The following GSK3B variants were observed in gnomAD, a reference collection of about 807,000 sequenced individuals.
The protein encoded by GSK3B is glycogen synthase kinase 3 beta.
Under a neutral mutation model 56.4 loss-of-function variants are expected in GSK3B, and 15 were observed. The observed-to-expected ratio is 0.27, with a 90% CI of 0.18 to 0.41. GSK3B has a LOEUF of 0.41. Ranked by LOEUF, GSK3B falls within the 10% of genes least tolerant of loss-of-function variation. The pLI, the probability that GSK3B is intolerant of heterozygous loss-of-function variation, is 1.00. For synonymous variants in GSK3B, 181 were observed against 188.9 expected (o/e 0.96, Z 0.34); for missense variants, 300 against 513.4 (o/e 0.58, Z 4.02).
At chr3:120,068,024 T>C (rs1001264474) in intron 1 of GSK3B, among the ~76,000 whole-genome samples, 1 of 152,262 alleles carries the variant, frequency 6.6e-6, no homozygotes, top group Non-Finnish European at 1.5e-5. Context: ...TGTATTTCTT[T>C]GTCTTATGCA....
At chr3:119,985,709 T>C (rs1223946901) in intron 2 of GSK3B, among the ~76,000 whole-genome samples, 1 of 152,168 alleles carries the variant, frequency 6.6e-6, no homozygotes, top group East Asian at 1.9e-4. Flanking sequence ...GGAAGAATAT[T>C]CCATGCTCAT....
chr3:119,919,865 C>G (rs569553078), intron 4 of GSK3B, among the ~76,000 whole-genome samples: 105 of 151,790 alleles, frequency 6.9e-4, no homozygotes, highest in African/African-American at 2.3e-3. Flanking sequence ...CACACACACA[C>G]ACGAAAATAT....
intron 1 of GSK3B, among the ~76,000 whole-genome samples, chr3:120,087,921 C>G (rs1001085921): frequency 6.6e-6 from 1 of 151,810 alleles, no homozygotes; most frequent in African/African-American, 2.4e-5. Context: ...GAGACAGAGT[C>G]TCTCTCTGTC....
chr3:120,044,053 C>T (rs545084102), intron 1 of GSK3B, among the ~76,000 whole-genome samples: 2 of 152,338 alleles, frequency 1.3e-5, no homozygotes, highest in Non-Finnish European at 2.9e-5. Flanking sequence ...CGGCCAGAGG[C>T]CCAGATTGTC....
At chr3:120,030,697 A>G (rs1344310437) in intron 1 of GSK3B, among the ~76,000 whole-genome samples, 1 of 152,096 alleles carries the variant, frequency 6.6e-6, no homozygotes, top group African/African-American at 2.4e-5. Flanking sequence ...CTTAAACCTC[A>G]CTTCTTCAGA....
chr3:119,846,470 T>G (rs1055703313), intron 9 of GSK3B, among the ~76,000 whole-genome samples: 1 of 152,116 alleles, frequency 6.6e-6, no homozygotes, highest in African/African-American at 2.4e-5. Flanking sequence ...CATCAAAAAG[T>G]GGGCGAAAGA....
intron 2 of GSK3B, among the ~76,000 whole-genome samples, chr3:119,972,250 A>G (rs2057374267): frequency 6.6e-6 from 1 of 152,220 alleles, no homozygotes; most frequent in Non-Finnish European, 1.5e-5. Context: ...AATAAGGTAT[A>G]AGATAGGCAT....
intron 7 of GSK3B, among the ~76,000 whole-genome samples, chr3:119,883,708 AG>A (rs747408781): frequency 6.6e-6 from 1 of 152,182 alleles, no homozygotes; most frequent in Non-Finnish European, 1.5e-5. Context: ...ACCCAGAAGG[AG>A]TACCTTTTCA....
At chr3:119,833,664 A>G (rs1328102438) in intron 10 of GSK3B, among the ~76,000 whole-genome samples, 2 of 139,824 alleles carry the variant, frequency 1.4e-5, no homozygotes, top group Admixed American at 7.1e-5. Context: ...CATGCACTTT[A>G]TAAGTACACT....
intron 9 of GSK3B, among the ~76,000 whole-genome samples, chr3:119,860,786 A>G (rs1241234713): frequency 6.6e-6 from 1 of 152,224 alleles, no homozygotes; most frequent in African/African-American, 2.4e-5. Context: ...GAATTAATGA[A>G]TATTATGTTT....
chr3:119,951,438 G>A (rs1192519764), intron 2 of GSK3B, among the ~76,000 whole-genome samples: 1 of 152,142 alleles, frequency 6.6e-6, no homozygotes, highest in Non-Finnish European at 1.5e-5. Context: ...GGGCTTGGTG[G>A]CGCATGCCTG....
chr3:119,941,009 T>C (rs1321766654), intron 3 of GSK3B, among the ~76,000 whole-genome samples: 1 of 148,172 alleles, frequency 6.7e-6, no homozygotes, highest in African/African-American at 2.6e-5. Context: ...CAACTATTAC[T>C]ACTAATTTTT....
intron 2 of GSK3B, among the ~76,000 whole-genome samples, chr3:119,981,114 G>C (rs2057456715): frequency 6.6e-6 from 1 of 152,154 alleles, no homozygotes; most frequent in Non-Finnish European, 1.5e-5. Flanking sequence ...TTAAATGCTA[G>C]AACATTTAAC....
intron 1 of GSK3B, among the ~76,000 whole-genome samples, chr3:120,071,246 C>T (rs865785306): frequency 3.3e-4 from 50 of 152,186 alleles, no homozygotes; most frequent in African/African-American, 1.1e-3. Context: ...TGTGATCACT[C>T]TTTTAGCTCC....
rs186820383 is a variant in GSK3B at position 119,887,463 on chromosome 3, A to G, written c.814-10955T>C. Among the ~76,000 whole-genome samples, 954 of 152,272 alleles carry G rather than the reference A, an allele frequency of 6.3e-3. 6 individuals are homozygous for G. The highest frequency in any genetic ancestry group is 0.011 in the Non-Finnish European group (720 of 68,014). Reference sequence around the variant, plus strand: ...AGAGAAATAGAAGATATAAAAAAGAACCAAATGGAAATTGTACAGTTAAAA... The same window carrying G: ...AGAGAAATAGAAGATATAAAAAAGAGCCAAATGGAAATTGTACAGTTAAAA... On this transcript the variant is annotated intron_variant, in intron 7 of 10. Transcript: ENST00000264235.
chr3:119,867,851 C>G (rs941745376), intron 8 of GSK3B, among the ~76,000 whole-genome samples: 2 of 151,978 alleles, frequency 1.3e-5, no homozygotes, highest in African/African-American at 4.8e-5. Context: ...AAATTTAGTA[C>G]ACAGATTAAA....
intron 3 of GSK3B, among the ~76,000 whole-genome samples, chr3:119,938,467 C>G (rs1415254536): frequency 6.6e-6 from 1 of 151,938 alleles, no homozygotes; most frequent in East Asian, 1.9e-4. Flanking sequence ...CTCAGGAATA[C>G]AACAGTGGTT....
chr3:120,051,740 C>A (rs1245274466), intron 1 of GSK3B, among the ~76,000 whole-genome samples: 1 of 150,324 alleles, frequency 6.7e-6, no homozygotes, highest in Non-Finnish European at 1.5e-5. Flanking sequence ...GCACTCCAGC[C>A]CGGGCGACAG....
intron 1 of GSK3B, among the ~76,000 whole-genome samples, chr3:120,017,877 C>G (rs2057840468): frequency 6.6e-6 from 1 of 152,186 alleles, no homozygotes; most frequent in African/African-American, 2.4e-5. Flanking sequence ...TTCTACTATA[C>G]TTTGGAAACT....
Sources: gnomAD v4.1 joint callset for allele counts (sites outside exome capture counted in the v4.1 genomes callset) on GRCh38, gnomAD v4.1.1 for gene constraint, MANE v1.5 for transcripts, NCBI Gene and HGNC (gene_info 2026-07-23, HGNC 2026-07-21) for gene names.